The following MAGI1 variants were observed in gnomAD, a reference collection of about 807,000 sequenced individuals.
MAGI1 encodes the protein membrane-associated guanylate kinase, WW and PDZ domain-containing protein 1.
In MAGI1, 58 loss-of-function variants were observed where a neutral mutation model predicts 139.9. The ratio of observed to expected loss-of-function variants is 0.41; its 90% CI spans 0.34 to 0.52. MAGI1 has a LOEUF of 0.52. Among genes scored for constraint, MAGI1 ranks in the 20% least tolerant of loss-of-function variants. MAGI1 has a pLI of 0.12. For synonymous variants in MAGI1, 812 were observed against 737.9 expected (o/e 1.10, Z -1.63); for missense variants, 1,874 against 1,901.6 (o/e 0.99, Z 0.27).
chr3:65,407,968 C>T (rs1351404930), intron 12 of MAGI1, among the ~76,000 whole-genome samples: 1 of 152,122 alleles, frequency 6.6e-6, no homozygotes, highest in Non-Finnish European at 1.5e-5. Flanking sequence ...GTTTATGCTC[C>T]TAAATTACTG....
chr3:65,783,527 G>A (rs1005391037), intron 1 of MAGI1, among the ~76,000 whole-genome samples: 2 of 151,950 alleles, frequency 1.3e-5, no homozygotes, highest in Non-Finnish European at 2.9e-5. Context: ...GTCTCACTCT[G>A]TCACCACCCA....
chr3:65,772,627 C>G (rs906758257), intron 1 of MAGI1, among the ~76,000 whole-genome samples: 1 of 152,142 alleles, frequency 6.6e-6, no homozygotes, highest in African/African-American at 2.4e-5. Context: ...GAAGCAAACA[C>G]AGAGGAAGCA....
At chr3:65,591,853 T>C (rs2081978528) in intron 2 of MAGI1, among the ~76,000 whole-genome samples, 1 of 152,154 alleles carries the variant, frequency 6.6e-6, no homozygotes, top group African/African-American at 2.4e-5. Context: ...TGCATTCAGG[T>C]TTGTGCTTAT....
intron 1 of MAGI1, chr3:65,914,192 A>C (rs556793217): frequency 6.6e-6 from 1 of 152,204 alleles, no homozygotes; most frequent in East Asian, 1.9e-4. Context: ...GTCAGCATAC[A>C]TACTCAGCCA....
intron 2 of MAGI1, among the ~76,000 whole-genome samples, chr3:65,589,072 T>C (rs1298385219): frequency 6.6e-6 from 1 of 152,088 alleles, no homozygotes; most frequent in Non-Finnish European, 1.5e-5. Context: ...AGAGCAGGGA[T>C]AGGTCAGAGT....
At chr3:65,449,711 G>GTTGCA (rs1247684755) in intron 6 of MAGI1, among the ~76,000 whole-genome samples, 1 of 152,138 alleles carries the variant, frequency 6.6e-6, no homozygotes, top group African/African-American at 2.4e-5. Flanking sequence ...GGAGGCAAAG[G>GTTGCA]TTGCAGTGAG....
chr3:66,005,301 C>T (rs1395547655), intron 1 of MAGI1, among the ~76,000 whole-genome samples: 1 of 152,102 alleles, frequency 6.6e-6, no homozygotes, highest in Non-Finnish European at 1.5e-5. Flanking sequence ...GATGGGGAGG[C>T]AGAGAAGATC....
chr3:65,727,358 C>A (rs1400908650), intron 1 of MAGI1, among the ~76,000 whole-genome samples: 1 of 152,124 alleles, frequency 6.6e-6, no homozygotes, highest in Non-Finnish European at 1.5e-5. Flanking sequence ...GAGTTACAAT[C>A]GAATTATTAT....
At chr3:65,627,610 C>A (rs2084050287) in intron 1 of MAGI1, among the ~76,000 whole-genome samples, 1 of 145,444 alleles carries the variant, frequency 6.9e-6, no homozygotes, top group African/African-American at 2.5e-5. Flanking sequence ...CGGGTTCACG[C>A]CATCCTCCTG....
intron 1 of MAGI1, among the ~76,000 whole-genome samples, chr3:65,785,971 C>T (rs1256487223): frequency 1.3e-5 from 2 of 150,470 alleles, no homozygotes; most frequent in African/African-American, 4.9e-5. Context: ...GAGTCTCGCT[C>T]TGTCACTCAG....
chr3:65,379,253 G>C lies in MAGI1; in HGVS notation c.2995+8C>G. On this transcript the variant is annotated splice_region_variant and intron_variant, in intron 17 of 22. Transcript: ENST00000402939. ...GAAACCCTGGGTAATTTCACGTTCA[G>C]CACTCACCAAAGGTCGTGCCTGCTT... 7 of 1,610,772 alleles carry C rather than the reference G, an allele frequency of 4.3e-6. No homozygotes were observed. The highest frequency in any genetic ancestry group is 5.9e-6 in the Non-Finnish European group (7 of 1,178,332).
At chr3:65,456,470 C>A (rs1949398143) in intron 5 of MAGI1, among the ~76,000 whole-genome samples, 1 of 151,446 alleles carries the variant, frequency 6.6e-6, no homozygotes, top group African/African-American at 2.4e-5. Flanking sequence ...AACATTTTCT[C>A]TGTAGTTTGT....
intron 1 of MAGI1, among the ~76,000 whole-genome samples, chr3:65,724,391 T>C (rs1216494240): frequency 6.6e-6 from 1 of 152,234 alleles, no homozygotes; most frequent in Admixed American, 6.5e-5. Flanking sequence ...CTCAATCACC[T>C]GAGCATAGCC....
At chr3:65,611,342 CTATA>C (rs1413000737) in intron 2 of MAGI1, among the ~76,000 whole-genome samples, 2 of 141,718 alleles carry the variant, frequency 1.4e-5, no homozygotes, top group Admixed American at 7.3e-5. Context: ...TATACATATA[CTATA>C]TAGAGTATAC....
chr3:65,707,809 T>C (rs1464310202), intron 1 of MAGI1, among the ~76,000 whole-genome samples: 1 of 152,168 alleles, frequency 6.6e-6, no homozygotes, highest in Non-Finnish European at 1.5e-5. Flanking sequence ...TCAAGCTTCT[T>C]TCTCAGTAAA....
At chr3:65,410,559 A>T (rs1945714956) in intron 12 of MAGI1, among the ~76,000 whole-genome samples, 1 of 152,222 alleles carries the variant, frequency 6.6e-6, no homozygotes, top group Non-Finnish European at 1.5e-5. Flanking sequence ...TTTACAGAAA[A>T]TTTTTAATAT....
At chr3:65,587,629 T>A (rs2081753869) in intron 2 of MAGI1, among the ~76,000 whole-genome samples, 1 of 151,804 alleles carries the variant, frequency 6.6e-6, no homozygotes, top group South Asian at 2.1e-4. Flanking sequence ...TACAGGCACA[T>A]GCCACCATGC....
chr3:65,988,277 G>C (rs2065985601), intron 1 of MAGI1, among the ~76,000 whole-genome samples: 1 of 152,174 alleles, frequency 6.6e-6, no homozygotes, highest in African/African-American at 2.4e-5. Context: ...ACAGAAGCCA[G>C]AGTGGTCAGC....
chr3:65,568,124 A>G (rs2080759874), intron 2 of MAGI1, among the ~76,000 whole-genome samples: 1 of 152,140 alleles, frequency 6.6e-6, no homozygotes, highest in South Asian at 2.1e-4. Context: ...AAGACTGGTG[A>G]AGGGCCAAAC....
Sources: allele counts gnomAD v4.1 joint callset (sites outside exome capture counted in the v4.1 genomes callset), GRCh38; gene constraint gnomAD v4.1.1; transcripts MANE v1.5; gene names NCBI Gene and HGNC (gene_info 2026-07-23, HGNC 2026-07-21).